Variants in RNF216 observed in about 807,000 individuals in gnomAD.
RNF216 encodes the protein E3 ubiquitin-protein ligase RNF216.
RNF216 carries 72 observed loss-of-function variants against 110.8 expected under a neutral mutation model. That is an observed-to-expected ratio of 0.65 (90% confidence interval 0.54 to 0.79). RNF216 has a LOEUF of 0.79. RNF216 is among the 30% of genes least tolerant of loss of function. The pLI, the probability that RNF216 is intolerant of heterozygous loss-of-function variation, is 0.00. For missense variants in RNF216, 1,342 were observed against 1,141.2 expected (o/e 1.18, Z -2.54); for synonymous variants, 495 against 407.5 (o/e 1.21, Z -2.59).
intron 13 of RNF216, among the ~76,000 whole-genome samples, chr7:5,690,465 G>T (rs1312388060): frequency 6.6e-6 from 1 of 152,098 alleles, no homozygotes; most frequent in Non-Finnish European, 1.5e-5. Flanking sequence ...TTAAAGACCT[G>T]GAATCTATCA....
chr7:5,722,369 G>GTTTTTTTTT (rs36102190), intron 8 of RNF216, among the ~76,000 whole-genome samples: 1 of 143,604 alleles, frequency 7.0e-6, no homozygotes. Flanking sequence ...TCATTCTCAT[G>GTTTTTTTTT]TTTTTTTTTT....
At position 5,752,848 on chromosome 7, in the gene RNF216, C is replaced by G. The variant is rs1795402556; in HGVS notation, c.199G>C (p.Glu67Gln). ...TTGTAAGTTTAAAGAAAACTCACTTCTGTCAGGATGACATCATCATCCAGG... is the reference window on the plus strand; with the variant it reads ...TTGTAAGTTTAAAGAAAACTCACTTGTGTCAGGATGACATCATCATCCAGG... ...EDLDDDVILTETNKPQRSRPN... is the reference protein window; with the variant it reads ...EDLDDDVILTQTNKPQRSRPN... The change falls in exon 3 of 17, where the codon GAA becomes CAA. Residue 67 changes from glutamate (E) to glutamine (Q), a missense_variant and splice_region_variant. Glu to Gln is a conservative substitution (Grantham distance 29, BLOSUM62 2). Coordinates refer to ENST00000389902, the MANE Select transcript of RNF216 (RefSeq NM_207111.4). 6.2e-7 allele frequency: 1 copy of G among 1,610,322 alleles called. No homozygotes were observed.
chr7:5,680,676 A>C lies in RNF216; in HGVS notation c.2062-28166T>G, dbSNP rs868466083. On this transcript the variant is annotated intron_variant, in intron 13 of 16. Transcript: ENST00000389902. This position sits in a 1 kb window ranked among gnomAD's most constrained non-coding sequence, Gnocchi z 4.3. ...CTCGGCCTCCCAAAGTGCTGGGATT[A>C]CAGGTGTGAGCCACCGCGCCCAGCA... is the stretch of plus-strand genomic sequence containing the variant. 6.6e-6 allele frequency among the ~76,000 whole-genome samples: 1 copy of C among 152,158 alleles called. No homozygotes were observed. Among genetic ancestry groups the C allele is most frequent in the Middle Eastern group, 3.4e-3 (1 of 294 alleles).
At chr7:5,716,609 G>T (rs1793081315) in intron 10 of RNF216, 107 bp downstream of exon 10, 1 of 807,466 alleles carries the variant, frequency 1.2e-6, no homozygotes, top group African/African-American at 1.7e-5. Context: ...TCACCAAACA[G>T]GAGGTTATCC....
intron 13 of RNF216, among the ~76,000 whole-genome samples, chr7:5,670,695 A>C (rs1352408815): frequency 6.6e-6 from 1 of 152,134 alleles, no homozygotes; most frequent in Non-Finnish European, 1.5e-5. Flanking sequence ...AGTACAGCTA[A>C]GGTGGTGTAA....
intron 13 of RNF216, among the ~76,000 whole-genome samples, chr7:5,660,955 T>TTTTTTTTTTTTTTTTTTTTTTTC (rs1562800034): frequency 6.9e-6 from 1 of 145,596 alleles, no homozygotes; most frequent in African/African-American, 2.7e-5. Flanking sequence ...TTTTTTTTTT[T>TTTTTTTTTTTTTTTTTTTTTTTC]TTTTTTTTTT....
chr7:5,647,971 G>C (rs747870714), intron 14 of RNF216, among the ~76,000 whole-genome samples: 1 of 152,042 alleles, frequency 6.6e-6, no homozygotes, highest in African/African-American at 2.4e-5. Context: ...ACATTCATTT[G>C]CTTAGAAGTA....
chr7:5,722,028 C>A (rs1018513233), intron 8 of RNF216, among the ~76,000 whole-genome samples: 2 of 152,176 alleles, frequency 1.3e-5, no homozygotes, highest in Non-Finnish European at 2.9e-5. Flanking sequence ...CTCAGGCAAT[C>A]CTCCCGCCTC....
chr7:5,722,810 T>G (rs1793517135), intron 8 of RNF216, among the ~76,000 whole-genome samples: 1 of 151,814 alleles, frequency 6.6e-6, no homozygotes, highest in Non-Finnish European at 1.5e-5. Flanking sequence ...TCATCTAAGG[T>G]TAGGAGTTCG....
At chr7:5,641,467 T>A in intron 14 of RNF216, 91 bp from the exon 15 acceptor site, 1 of 1,035,656 alleles carries the variant, frequency 9.7e-7, no homozygotes, top group Non-Finnish European at 1.4e-6. Flanking sequence ...TCACATAAAA[T>A]GATCACTTAT....
At chr7:5,676,848 T>A (rs1400514884) in intron 13 of RNF216, among the ~76,000 whole-genome samples, 1 of 152,194 alleles carries the variant, frequency 6.6e-6, no homozygotes, top group East Asian at 1.9e-4. Context: ...CAGGCTAGAT[T>A]CAAGGCTGGC....
In RNF216 at chr7:5,665,982, G is replaced by A. The variant is rs533324088; in HGVS notation, c.2062-13472C>T. ...AGATCGAGACGATCCTGGCTAACACGGTGAAACCCCGTTTCTACTAAAAAT... is the reference window on the plus strand; with the variant it reads ...AGATCGAGACGATCCTGGCTAACACAGTGAAACCCCGTTTCTACTAAAAAT... On this transcript the variant is annotated intron_variant, in intron 13 of 16. Transcript: ENST00000389902. Among the ~76,000 whole-genome samples the A allele has an allele frequency of 1.0e-3, 156 of 151,934 alleles. 1 individual carries two copies. Among genetic ancestry groups the A allele is most frequent in the African/African-American group, 2.0e-3 (82 of 41,476 alleles).
At position 5,729,440 on chromosome 7, in the gene RNF216, T is replaced by A; in HGVS notation, c.1381A>T (p.Thr461Ser). 1 of 1,614,020 alleles carries A rather than the reference T, an allele frequency of 6.2e-7. No individual in the cohort carries two copies. The highest frequency in any genetic ancestry group is 8.5e-7 in the Non-Finnish European group (1 of 1,179,978). The change falls in exon 7 of 17, where the codon ACC (threonine) becomes TCC (serine). Residue 461 changes from threonine to serine, a missense_variant. Thr to Ser is a moderately conservative substitution (Grantham distance 58). Transcript: ENST00000389902. ...LHELKGHYAI[T>S]RKALSDAIKK... ...AAGACCAAGTAGAGTACCTTTCGGG[T>A]GATTGCATAGTGTCCTTTGAGCTCG...
rs59390560 is a variant in RNF216, at chr7:5,759,633, C to CTTCTTTTTT, written c.67+1369_67+1370insAAAAAAGAA. ...AAGTTTTGGTGGAGTCATTTTTCTTCTTTTTTTTTTTTTTTTGAGACGGAG... is the reference window on the plus strand; with the variant it reads ...AAGTTTTGGTGGAGTCATTTTTCTTCTTCTTTTTTTTTTTTTTTTTTTTTTGAGACGGAG... On this transcript the variant is annotated intron_variant, in intron 2 of 16. Coordinates refer to ENST00000389902, the MANE Select transcript of RNF216 (RefSeq NM_207111.4). Among the ~76,000 whole-genome samples the CTTCTTTTTT allele has an allele frequency of 9.2e-4, 121 of 131,132 alleles. 10 individuals are homozygous for CTTCTTTTTT. Among genetic ancestry groups the CTTCTTTTTT allele is most frequent in the Non-Finnish European group, 1.1e-3 (70 of 63,330 alleles). 86.0% of individuals were successfully genotyped at this position (131,132 alleles called of 152,430 possible).
intron 1 of RNF216, among the ~76,000 whole-genome samples, chr7:5,763,042 C>G (rs1796015286): frequency 6.6e-6 from 1 of 152,022 alleles, no homozygotes; most frequent in Non-Finnish European, 1.5e-5. Context: ...GCCAAAGCAG[C>G]AGAACTACTG....
chr7:5,694,826 C>T (rs1468996), intron 13 of RNF216, among the ~76,000 whole-genome samples: 54,939 of 152,058 alleles, frequency 0.36, 11,426 homozygotes, highest in East Asian at 0.76. Flanking sequence ...TAGGTGTTGT[C>T]AAAATAGCTA....
chr7:5,752,985 G>A lies in RNF216; in HGVS notation c.68-6C>T. On this transcript the variant is annotated splice_region_variant and splice_polypyrimidine_tract_variant and intron_variant, in intron 2 of 16. Coordinates refer to ENST00000389902, the MANE Select transcript of RNF216 (RefSeq NM_207111.4). The stretch of plus-strand genomic sequence containing the variant: ...ATCTCGGAGATTGATCCACTCTACA[G>A]GAAAGCAGAGAACACTGTTACTGGG... 1.2e-6 allele frequency: 2 copies of A among 1,606,110 alleles called. No individual in the cohort carries two copies. The highest frequency in any genetic ancestry group is 2.3e-5 in the South Asian group (2 of 88,790).
intron 13 of RNF216, among the ~76,000 whole-genome samples, chr7:5,653,600 CAAA>C (rs34530431): frequency 0.028 from 1,402 of 50,192 alleles, 3 homozygotes; most frequent in Non-Finnish European, 0.039. Context: ...GACTCTGTCT[CAAA>C]AAAAAAAAAA....
At chr7:5,738,743 T>G (rs1231890255) in intron 5 of RNF216, among the ~76,000 whole-genome samples, 1 of 151,340 alleles carries the variant, frequency 6.6e-6, no homozygotes, top group African/African-American at 2.4e-5. Context: ...TGCTTCCATG[T>G]ATTTCTCCAA....
Sources: allele counts gnomAD v4.1 joint callset (sites outside exome capture counted in the v4.1 genomes callset), GRCh38; gene constraint gnomAD v4.1.1; non-coding constraint Gnocchi (gnomAD v3.1); transcripts MANE v1.5; gene names NCBI Gene and HGNC (gene_info 2026-07-23, HGNC 2026-07-21).